Variants in NEK3 observed in about 807,000 individuals in gnomAD.
The protein encoded by NEK3 is NIMA related kinase 3, also known as serine/threonine-protein kinase Nek3.
In NEK3, 54 loss-of-function variants were observed where a neutral mutation model predicts 66.0. That is an observed-to-expected ratio of 0.82 (90% CI 0.66 to 1.03). NEK3 has a LOEUF of 1.03. Ranked by LOEUF, NEK3 falls within the 50% of genes least tolerant of loss-of-function variation. The pLI, the probability that NEK3 is intolerant of heterozygous loss-of-function variation, is 0.00. For synonymous variants in NEK3, 200 were observed against 206.2 expected, an observed-to-expected ratio of 0.97 and a Z score of 0.26; for missense variants, 593 against 603.0, an observed-to-expected ratio of 0.98 and a Z score of 0.17.
chr13:52,144,402 C>T (rs772124021), intron 9 of NEK3, among the ~76,000 whole-genome samples: 5 of 151,764 alleles, frequency 3.3e-5, no homozygotes, highest in African/African-American at 9.7e-5. Context: ...GGCGACAGAG[C>T]GAGACTCCAT....
intron 10 of NEK3, 91 bp from the exon 11 acceptor site, chr13:52,141,160 G>T: frequency 8.5e-7 from 1 of 1,182,950 alleles, no homozygotes; most frequent in Non-Finnish European, 1.2e-6. Flanking sequence ...AGCTGGAGAA[G>T]TGAGTGAGGT....
chr13:52,147,536 T>C (rs1377117254), intron 8 of NEK3, among the ~76,000 whole-genome samples: 2 of 152,256 alleles, frequency 1.3e-5, no homozygotes, highest in African/African-American at 4.8e-5. Flanking sequence ...AAAAGTTCTA[T>C]AATTCCAGTT....
At position 52,156,123 on chromosome 13, in the gene NEK3, A is replaced by G; in HGVS notation, c.69T>C (p.His23=). The G allele has an allele frequency of 6.2e-7, 1 of 1,608,510 alleles. No homozygotes were observed. Among genetic ancestry groups the G allele is most frequent in the Non-Finnish European group, 8.5e-7 (1 of 1,177,314 alleles). ...GSFGRALLVQ[H]ESSNQMFAMK... Reference sequence around the variant, plus strand: ...TGGCAAACATCTGATTACTGCTTTCATGCTGAACCAAAAGAGCTCTGCCGA... The same window carrying G: ...TGGCAAACATCTGATTACTGCTTTCGTGCTGAACCAAAAGAGCTCTGCCGA... The change falls in exon 2 of 16, where the codon CAT becomes CAC. Residue 23 remains histidine, a synonymous_variant. Coordinates refer to ENST00000610828, the MANE Select transcript of NEK3 (RefSeq NM_002498.3).
chr13:52,139,600 T>TA (rs988462194), intron 11 of NEK3, among the ~76,000 whole-genome samples: 10 of 152,072 alleles, frequency 6.6e-5, no homozygotes, highest in East Asian at 5.8e-4. Context: ...TCTACCACCA[T>TA]AAAAAAACAA....
intron 7 of NEK3, among the ~76,000 whole-genome samples, chr13:52,149,918 C>T (rs900542024): frequency 1.3e-5 from 2 of 151,174 alleles, no homozygotes; most frequent in African/African-American, 4.9e-5. Context: ...TCCCTACATA[C>T]ATCAGCATGT....
At chr13:52,135,691 T>C in intron 14 of NEK3, 38 bp downstream of exon 14, 3 of 1,560,448 alleles carry the variant, frequency 1.9e-6, no homozygotes, top group Non-Finnish European at 2.6e-6. Context: ...TTTCAAAAAG[T>C]CAAAGGGTTT....
At chr13:52,133,940 A>G (rs1411019353) in intron 14 of NEK3, 125 bp from the exon 15 acceptor site, 16 of 946,362 alleles carry the variant, frequency 1.7e-5, no homozygotes, top group South Asian at 1.0e-4. Flanking sequence ...ACTCTTTTGT[A>G]GTGTCTCCCC....
rs534779884 is a variant in NEK3 at position 52,150,261 on chromosome 13, C to T, written c.548+885G>A. On this transcript the variant is annotated intron_variant, in intron 7 of 15. Coordinates refer to ENST00000610828, the MANE Select transcript of NEK3 (RefSeq NM_002498.3). ...ATTTAGACAAAAGGTATGTTAATTA[C>T]AGCACTGTTTATGAGACTGAAATGT... Among the ~76,000 whole-genome samples, 21 of 152,206 alleles carry T rather than the reference C, an allele frequency of 1.4e-4. No individual in the cohort carries two copies. In the South Asian group the frequency reaches 2.3e-3, roughly 17 times the overall value.
At chr13:52,154,609 G>C (rs1956376322) in intron 2 of NEK3, among the ~76,000 whole-genome samples, 1 of 151,728 alleles carries the variant, frequency 6.6e-6, no homozygotes, top group Non-Finnish European at 1.5e-5. Flanking sequence ...ACTTAGAGGA[G>C]TCCACTGGTC....
At chr13:52,142,011 C>T (rs998163824) in intron 10 of NEK3, among the ~76,000 whole-genome samples, 10 of 151,872 alleles carry the variant, frequency 6.6e-5, no homozygotes, top group Non-Finnish European at 8.8e-5. Context: ...TGCTTGAACC[C>T]AGGAGGCAGA....
At chr13:52,153,104 T>G (rs1268222107) in intron 4 of NEK3, among the ~76,000 whole-genome samples, 3 of 152,274 alleles carry the variant, frequency 2.0e-5, no homozygotes, top group Non-Finnish European at 2.9e-5. Flanking sequence ...AAAGATTTCA[T>G]TATATCATAA....
At chr13:52,136,771 A>C in intron 12 of NEK3, 29 bp downstream of exon 12, 1 of 1,459,420 alleles carries the variant, frequency 6.9e-7, no homozygotes, top group Non-Finnish European at 9.3e-7. Flanking sequence ...CTCCTCACCT[A>C]AGAAATGATT....
chr13:52,144,586 C>T (rs1034168353), intron 9 of NEK3, 105 bp downstream of exon 9: 3 of 890,166 alleles, frequency 3.4e-6, no homozygotes, highest in Non-Finnish European at 5.2e-6. Context: ...ACTTCTGTAT[C>T]ATTTGGATTT....
chr13:52,135,053 A>T (rs1385329162), intron 14 of NEK3, among the ~76,000 whole-genome samples: 1 of 152,174 alleles, frequency 6.6e-6, no homozygotes, highest in Non-Finnish European at 1.5e-5. Flanking sequence ...TCTATCTTAG[A>T]TCTTAACCTA....
intron 13 of NEK3, 112 bp downstream of exon 13, chr13:52,136,004 C>G: frequency 6.7e-7 from 1 of 1,498,734 alleles, no homozygotes; most frequent in South Asian, 1.2e-5. Flanking sequence ...GAGCAATGCT[C>G]TGATGTGTGA....
chr13:52,152,682 C>G lies in NEK3; in HGVS notation c.320G>C (p.Trp107Ser). The change falls in exon 5 of 16, where the codon TGG becomes TCG. Residue 107 changes from tryptophan (W) to serine (S), a missense_variant. Physicochemically the swap from Trp to Ser is radical, Grantham distance 177. Transcript: ENST00000610828. The part of the protein sequence containing the change: ...KLFPEDMILN[W>S]FTQMCLGVNH... Reference sequence around the variant, plus strand: ...TACTCCAAGGCACATTTGGGTAAACCAATTAAGTATCTGTAAGAAAAAGGT... The same window carrying G: ...TACTCCAAGGCACATTTGGGTAAACGAATTAAGTATCTGTAAGAAAAAGGT... The G allele has an allele frequency of 6.2e-7, 1 of 1,606,774 alleles. No individual in the cohort carries two copies.
At chr13:52,137,991 C>T (rs1956218483) in intron 11 of NEK3, among the ~76,000 whole-genome samples, 1 of 152,216 alleles carries the variant, frequency 6.6e-6, no homozygotes, top group Non-Finnish European at 1.5e-5. Context: ...AGATCATCTG[C>T]AAAGGGCACA....
chr13:52,135,251 A>C (rs1956193461), intron 14 of NEK3, among the ~76,000 whole-genome samples: 1 of 152,292 alleles, frequency 6.6e-6, no homozygotes, highest in South Asian at 2.1e-4. Flanking sequence ...TTTGAGCTCT[A>C]TTCAATGTAA....
At chr13:52,135,093 A>C (rs1401269029) in intron 14 of NEK3, among the ~76,000 whole-genome samples, 1 of 152,184 alleles carries the variant, frequency 6.6e-6, no homozygotes, top group Non-Finnish European at 1.5e-5. Flanking sequence ...AAATTATTAT[A>C]ATTATAATAC....
Sources: allele counts gnomAD v4.1 joint callset (sites outside exome capture counted in the v4.1 genomes callset), GRCh38; gene constraint gnomAD v4.1.1; transcripts MANE v1.5; gene names NCBI Gene and HGNC (gene_info 2026-07-23, HGNC 2026-07-21).